SGCZ: variants seen among roughly 807,000 people sequenced by gnomAD.
SGCZ encodes sarcoglycan zeta.
SGCZ carries 40 observed loss-of-function variants against 41.3 expected under a neutral mutation model. That is an observed-to-expected ratio of 0.97 (90% confidence interval 0.75 to 1.26). The LOEUF is 1.26. SGCZ is among the 50% of genes most tolerant of loss of function. SGCZ has a pLI of 0.00. For synonymous variants in SGCZ, 206 were observed against 137.5 expected (o/e 1.50, Z -3.49); for missense variants, 552 against 369.8 (o/e 1.49, Z -4.04).
intron 1 of SGCZ, among the ~76,000 whole-genome samples, chr8:15,210,375 C>T (rs1563185706): frequency 6.6e-6 from 1 of 152,136 alleles, no homozygotes; most frequent in Non-Finnish European, 1.5e-5. Context: ...CCCATAAGCA[C>T]TCTCTGTGAT....
intron 2 of SGCZ, among the ~76,000 whole-genome samples, chr8:14,473,395 T>C (rs1163302602): frequency 2.0e-5 from 3 of 152,174 alleles, no homozygotes; most frequent in Non-Finnish European, 4.4e-5. Context: ...ATTATACATA[T>C]GAAATAACTT....
chr8:15,215,811 C>G (rs1225179207), intron 1 of SGCZ, among the ~76,000 whole-genome samples: 1 of 152,084 alleles, frequency 6.6e-6, no homozygotes, highest in African/African-American at 2.4e-5. Context: ...AATAGACTGA[C>G]AAAACATATT....
intron 3 of SGCZ, chr8:14,309,384 G>C (rs763776769): frequency 1.9e-5 from 31 of 1,605,218 alleles, no homozygotes; most frequent in Non-Finnish European, 2.4e-5. Flanking sequence ...AGTCAGCAGA[G>C]ACGAAGTGAC....
intron 4 of SGCZ, among the ~76,000 whole-genome samples, chr8:14,228,915 G>T (rs765499482): frequency 6.6e-6 from 1 of 152,146 alleles, no homozygotes; most frequent in African/African-American, 2.4e-5. Context: ...CCTTGGTCTT[G>T]AGAAGTAGAG....
intron 1 of SGCZ, among the ~76,000 whole-genome samples, chr8:15,173,457 T>C (rs1280529580): frequency 6.6e-6 from 1 of 152,154 alleles, no homozygotes; most frequent in African/African-American, 2.4e-5. Flanking sequence ...ACCTGGCACA[T>C]ATCTAGGGCT....
intron 1 of SGCZ, among the ~76,000 whole-genome samples, chr8:14,956,662 A>G (rs1374280168): frequency 6.6e-6 from 1 of 152,194 alleles, no homozygotes; most frequent in Non-Finnish European, 1.5e-5. Context: ...AAATATTTTG[A>G]AGACAAAATT....
chr8:14,854,567 G>C (rs540819910), intron 1 of SGCZ, among the ~76,000 whole-genome samples: 44 of 151,868 alleles, frequency 2.9e-4, no homozygotes, highest in Admixed American at 1.6e-3. Context: ...GAAGCCAGTG[G>C]TTTTCATTAT....
chr8:14,616,999 G>C (rs1406437431), intron 1 of SGCZ, among the ~76,000 whole-genome samples: 6 of 152,032 alleles, frequency 3.9e-5, no homozygotes, highest in African/African-American at 1.4e-4. Flanking sequence ...AATATAATTT[G>C]ATGTATTTGT....
At chr8:14,414,084 T>C (rs962385287) in intron 2 of SGCZ, among the ~76,000 whole-genome samples, 4 of 151,980 alleles carry the variant, frequency 2.6e-5, no homozygotes, top group Non-Finnish European at 5.9e-5. Flanking sequence ...TAACATCAGA[T>C]AAATTTAGCA....
intron 1 of SGCZ, among the ~76,000 whole-genome samples, chr8:15,054,253 C>T (rs1234275934): frequency 2.0e-5 from 3 of 152,142 alleles, no homozygotes; most frequent in Non-Finnish European, 4.4e-5. Context: ...AATAGTCACC[C>T]ACATTGATTT....
chr8:15,138,076 A>G (rs866479641), intron 1 of SGCZ, among the ~76,000 whole-genome samples: 26 of 152,304 alleles, frequency 1.7e-4, no homozygotes, highest in African/African-American at 5.8e-4. Flanking sequence ...TTGCATCAGC[A>G]TGACTTGGCT....
At chr8:14,282,676 C>T (rs1365168665) in intron 3 of SGCZ, among the ~76,000 whole-genome samples, 3 of 152,000 alleles carry the variant, frequency 2.0e-5, no homozygotes, top group Non-Finnish European at 4.4e-5. Flanking sequence ...TTCTCAGTTG[C>T]CTGATCCTTC....
chr8:14,283,533 T>A (rs1585317805), intron 3 of SGCZ, among the ~76,000 whole-genome samples: 2 of 152,352 alleles, frequency 1.3e-5, no homozygotes, highest in East Asian at 3.9e-4. Flanking sequence ...AAATCACTTT[T>A]CATGAGCCAT....
At chr8:14,148,183 G>T (rs547156536) in intron 5 of SGCZ, among the ~76,000 whole-genome samples, 2 of 151,838 alleles carry the variant, frequency 1.3e-5, no homozygotes, top group Non-Finnish European at 2.9e-5. Flanking sequence ...AAAATTAGTA[G>T]AAGAAACAAT....
intron 1 of SGCZ, among the ~76,000 whole-genome samples, chr8:14,763,151 G>C (rs1799942222): frequency 6.6e-6 from 1 of 152,110 alleles, no homozygotes; most frequent in South Asian, 2.1e-4. Flanking sequence ...GCCCTCTATA[G>C]TCAGATACTG....
At chr8:14,285,112 A>G (rs1184163414) in intron 3 of SGCZ, among the ~76,000 whole-genome samples, 2 of 152,148 alleles carry the variant, frequency 1.3e-5, no homozygotes, top group South Asian at 2.1e-4. Context: ...CAGCCTTATT[A>G]AATCTCAACT....
chr8:15,108,484 A>G (rs559945149), intron 1 of SGCZ, among the ~76,000 whole-genome samples: 16 of 152,354 alleles, frequency 1.1e-4, no homozygotes, highest in Middle Eastern at 3.4e-3. Context: ...GCTATGCTGC[A>G]TATATTTATA....
intron 1 of SGCZ, among the ~76,000 whole-genome samples, chr8:15,031,848 G>C (rs570976461): frequency 1.3e-5 from 2 of 150,352 alleles, no homozygotes; most frequent in African/African-American, 2.5e-5. Flanking sequence ...GTCGGCCAGC[G>C]CTATTTTCAA....
At position 14,206,729 on chromosome 8, in the gene SGCZ, G is replaced by C. The variant is rs191871892; in HGVS notation, c.424+30863C>G. Reference sequence around the variant, plus strand: ...CTGTATCCTGCTATAACTGGTAAGGGTATTACCCCCTAAATTACCTGCTGT... The same window carrying C: ...CTGTATCCTGCTATAACTGGTAAGGCTATTACCCCCTAAATTACCTGCTGT... On this transcript the variant is annotated intron_variant, in intron 4 of 7. Coordinates refer to ENST00000382080, the MANE Select transcript of SGCZ (RefSeq NM_139167.4). 4.7e-3 allele frequency among the ~76,000 whole-genome samples: 712 copies of C among 152,252 alleles called. 6 individuals are homozygous for C. Among genetic ancestry groups the C allele is most frequent in the Admixed American group, 0.01 (156 of 15,286 alleles).
Sources: allele counts gnomAD v4.1 joint callset (sites outside exome capture counted in the v4.1 genomes callset), GRCh38; gene constraint gnomAD v4.1.1; transcripts MANE v1.5; gene names NCBI Gene and HGNC (gene_info 2026-07-23, HGNC 2026-07-21).